Variants in KIRREL1 observed in about 807,000 individuals in gnomAD.
KIRREL1 encodes kin of IRRE-like protein 1.
KIRREL1 carries 25 observed loss-of-function variants against 83.3 expected under a neutral mutation model. That is an observed-to-expected ratio of 0.30 (90% CI 0.22 to 0.42). The LOEUF is 0.42. Among genes scored for constraint, KIRREL1 ranks in the 10% least tolerant of loss-of-function variants. The pLI, the probability that KIRREL1 is intolerant of heterozygous loss-of-function variation, is 1.00. For synonymous variants in KIRREL1, 388 were observed against 410.4 expected (o/e 0.95, Z 0.66); for missense variants, 812 against 1,032.3 (o/e 0.79, Z 2.92).
intron 11 of KIRREL1, among the ~76,000 whole-genome samples, chr1:158,092,251 AT>A (rs1051611071): frequency 2.0e-5 from 3 of 151,576 alleles, no homozygotes; most frequent in African/African-American, 4.8e-5. Context: ...AAAAGATAGC[AT>A]TTTTTTGTTG....
chr1:158,070,719 G>C (rs923863030), intron 1 of KIRREL1, among the ~76,000 whole-genome samples: 1 of 152,108 alleles, frequency 6.6e-6, no homozygotes, highest in Non-Finnish European at 1.5e-5. Flanking sequence ...GAGGGTTGTG[G>C]GCTAACCTGA....
At chr1:158,087,944 T>A in intron 6 of KIRREL1, 62 bp from the exon 7 acceptor site, 2 of 1,610,114 alleles carry the variant, frequency 1.2e-6, no homozygotes, top group Non-Finnish European at 1.7e-6. Flanking sequence ...AGGCCAGGTG[T>A]CATGGATGTA....
chr1:158,053,087 A>G (rs1053510254), intron 1 of KIRREL1, among the ~76,000 whole-genome samples: 1 of 152,114 alleles, frequency 6.6e-6, no homozygotes, highest in Non-Finnish European at 1.5e-5. Context: ...ACCTCCAACA[A>G]TGGGGATCAC....
rs896565752 is a variant in KIRREL1, at chr1:158,097,722, G to A, written c.*2602G>A. 27 of 152,476 alleles carry A rather than the reference G, an allele frequency of 1.8e-4. No individual in the cohort carries two copies. Among genetic ancestry groups the A allele is most frequent in the African/African-American group, 5.5e-4 (23 of 41,450 alleles). 9.4% of individuals were successfully genotyped at this position (152,476 alleles called of 1,614,324 possible). A position where few individuals can be genotyped will look rare whatever the true frequency, so the allele number is the denominator to read the frequency against. On this transcript the variant is annotated 3_prime_UTR_variant, in exon 15 of 15. Transcript: ENST00000359209. ...GGAGTGGAAGGCGTCCTTGATCACA[G>A]AGCTTTGCTGTCGAATCCTGGAGTC...
At chr1:158,042,046 A>G (rs935161105) in intron 1 of KIRREL1, among the ~76,000 whole-genome samples, 1 of 152,178 alleles carries the variant, frequency 6.6e-6, no homozygotes, top group African/African-American at 2.4e-5. Flanking sequence ...TCTGGAGCTC[A>G]GAGAACTTGT....
intron 3 of KIRREL1, among the ~76,000 whole-genome samples, chr1:158,081,989 G>T (rs1056695287): frequency 6.6e-6 from 1 of 152,128 alleles, no homozygotes; most frequent in African/African-American, 2.4e-5. Context: ...CTTTAGAGGG[G>T]CCTGAGCAGA....
intron 10 of KIRREL1, among the ~76,000 whole-genome samples, chr1:158,090,534 G>C (rs1662165137): frequency 6.6e-6 from 1 of 152,174 alleles, no homozygotes; most frequent in African/African-American, 2.4e-5. Flanking sequence ...GGCCTCCCGG[G>C]GGGCTTTCCT....
chr1:158,052,818 C>T (rs527509240), intron 1 of KIRREL1, among the ~76,000 whole-genome samples: 7 of 152,124 alleles, frequency 4.6e-5, no homozygotes, highest in East Asian at 1.9e-4. Context: ...ATTTGGCTCA[C>T]GGTTCTGCAG....
At chr1:158,020,600 C>CAAA (rs370156588) in intron 1 of KIRREL1, among the ~76,000 whole-genome samples, 4,510 of 83,514 alleles carry the variant, frequency 0.054, 551 homozygotes, top group African/African-American at 0.1. Context: ...TACAGTAAAT[C>CAAA]AAAAAAAAAA....
intron 1 of KIRREL1, among the ~76,000 whole-genome samples, chr1:157,997,904 T>C (rs1323845670): frequency 6.6e-6 from 1 of 152,206 alleles, no homozygotes. Flanking sequence ...TTTTTTTAGA[T>C]AGGGTCTTGC....
intron 1 of KIRREL1, among the ~76,000 whole-genome samples, chr1:158,029,371 G>T (rs1032285443): frequency 8.7e-5 from 13 of 149,470 alleles, no homozygotes; most frequent in African/African-American, 3.2e-4. Context: ...GTGTGTGCAC[G>T]TGCGCGCGCA....
At chr1:158,054,726 T>C (rs1661005099) in intron 1 of KIRREL1, among the ~76,000 whole-genome samples, 1 of 152,222 alleles carries the variant, frequency 6.6e-6, no homozygotes, top group Admixed American at 6.5e-5. Flanking sequence ...TTGCTCGCTC[T>C]ACTAAAACCT....
At chr1:158,042,909 T>TAAA (rs34934306) in intron 1 of KIRREL1, among the ~76,000 whole-genome samples, 50 of 121,930 alleles carry the variant, frequency 4.1e-4, no homozygotes, top group Middle Eastern at 4.4e-3. Context: ...CCGTCTCTAC[T>TAAA]AAAAAAAAAA....
At chr1:157,998,537 A>G (rs1008829675) in intron 1 of KIRREL1, among the ~76,000 whole-genome samples, 1 of 152,270 alleles carries the variant, frequency 6.6e-6, no homozygotes, top group African/African-American at 2.4e-5. Context: ...TTACAGGTCC[A>G]TGAACTACAA....
intron 1 of KIRREL1, among the ~76,000 whole-genome samples, chr1:158,056,495 G>C (rs549221102): frequency 6.6e-6 from 1 of 152,266 alleles, no homozygotes; most frequent in African/African-American, 2.4e-5. Flanking sequence ...GGAGAGGCAG[G>C]GGTCAGGTTG....
rs1294004134 is a variant in KIRREL1 at position 158,098,828 on chromosome 1, T to C, written c.*3708T>C. ...CCTTATTCCAGCAGGGCTACTTTCC[T>C]CTTCACTCTGATGAGGGGAGCTTTA... On this transcript the variant is annotated 3_prime_UTR_variant, in exon 15 of 15. Transcript: ENST00000359209. The C allele has an allele frequency of 1.3e-5, 2 of 152,238 alleles. No homozygotes were observed. The highest frequency in any genetic ancestry group is 2.9e-5 in the Non-Finnish European group (2 of 68,046). 9.4% of individuals were successfully genotyped at this position (152,238 alleles called of 1,614,324 possible). A position where few individuals can be genotyped will look rare whatever the true frequency, so the allele number is the denominator to read the frequency against.
chr1:158,055,294 G>C (rs1238983628), intron 1 of KIRREL1, among the ~76,000 whole-genome samples: 1 of 152,110 alleles, frequency 6.6e-6, no homozygotes, highest in East Asian at 1.9e-4. Flanking sequence ...ATTAACAGCT[G>C]TTTGCATCTT....
chr1:158,096,963 T>C lies in KIRREL1; in HGVS notation c.*1843T>C, dbSNP rs1558022341. 1 of 456,812 alleles carries C rather than the reference T, an allele frequency of 2.2e-6. No individual in the cohort carries two copies. The highest frequency in any genetic ancestry group is 1.5e-5 in the South Asian group (1 of 64,566). 28.3% of individuals were successfully genotyped at this position (456,812 alleles called of 1,614,324 possible). A position where few individuals can be genotyped will look rare whatever the true frequency, so the allele number is the denominator to read the frequency against. On this transcript the variant is annotated 3_prime_UTR_variant, in exon 15 of 15. Transcript: ENST00000359209. ...CCATTACCACCCTTATGGATGGGTC[T>C]GGGGGGCGACATTCCTGGCCAACCC... is the stretch of plus-strand genomic sequence containing the variant.
intron 1 of KIRREL1, among the ~76,000 whole-genome samples, chr1:158,003,663 A>G (rs542877512): frequency 9.9e-5 from 15 of 152,266 alleles, no homozygotes; most frequent in African/African-American, 2.6e-4. Context: ...TTGATGTTGG[A>G]TCCCAGACTG....
Sources: allele counts gnomAD v4.1 joint callset (sites outside exome capture counted in the v4.1 genomes callset), GRCh38; gene constraint gnomAD v4.1.1; transcripts MANE v1.5; gene names NCBI Gene and HGNC (gene_info 2026-07-23, HGNC 2026-07-21).